FYB1: variants seen among roughly 807,000 people sequenced by gnomAD.
The protein encoded by FYB1 is FYN-binding protein 1.
Under a neutral mutation model 94.1 loss-of-function variants are expected in FYB1, and 41 were observed. The observed-to-expected ratio is 0.44, with a 90% CI of 0.34 to 0.57. The LOEUF is 0.57. FYB1 is among the 20% of genes least tolerant of loss of function. The probability of loss-of-function intolerance (pLI) is 0.02; values close to 1 mark genes in which losing one functional copy is unlikely to be tolerated. For missense variants in FYB1, 1,050 were observed against 976.8 expected (o/e 1.07, Z -1.00); for synonymous variants, 367 against 353.2 (o/e 1.04, Z -0.44).
chr5:39,166,814 T>C (rs865953377), intron 2 of FYB1, among the ~76,000 whole-genome samples: 1 of 151,556 alleles, frequency 6.6e-6, no homozygotes, highest in African/African-American at 2.4e-5. Flanking sequence ...GGTGGGAGGG[T>C]TGGCAAGAGT....
chr5:39,238,347 A>G (rs1030548143), intron 1 of FYB1, among the ~76,000 whole-genome samples: 3 of 151,966 alleles, frequency 2.0e-5, no homozygotes, highest in African/African-American at 7.2e-5. Flanking sequence ...AAGAAAATGC[A>G]TTATATTTTT....
intron 1 of FYB1, among the ~76,000 whole-genome samples, chr5:39,204,068 C>T (rs1346917999): frequency 2.6e-5 from 4 of 152,094 alleles, no homozygotes; most frequent in African/African-American, 9.7e-5. Context: ...ACATGCTTTC[C>T]TACCTCTCAT....
At chr5:39,252,228 T>C (rs12653957) in intron 1 of FYB1, among the ~76,000 whole-genome samples, 16,668 of 151,702 alleles carry the variant, frequency 0.11, 933 homozygotes, top group Middle Eastern at 0.12. Flanking sequence ...TCATAATGTG[T>C]AATAATTCTA....
intron 17 of FYB1, among the ~76,000 whole-genome samples, chr5:39,109,148 C>T (rs575896078): frequency 5.5e-4 from 83 of 152,140 alleles, no homozygotes; most frequent in Non-Finnish European, 1.0e-3. Context: ...TGTGCTTTAT[C>T]ATGGAAGCAG....
intron 1 of FYB1, among the ~76,000 whole-genome samples, chr5:39,218,662 A>G (rs1210035359): frequency 6.6e-6 from 1 of 152,258 alleles, no homozygotes; most frequent in Non-Finnish European, 1.5e-5. Context: ...ACTGAGACAC[A>G]GAGAGGTTAA....
chr5:39,109,225 A>C (rs546987334), intron 17 of FYB1, among the ~76,000 whole-genome samples: 1 of 151,910 alleles, frequency 6.6e-6, no homozygotes. Context: ...TTCTGTTTGG[A>C]TCTTTTCTCT....
At chr5:39,220,015 CAT>C (rs1402651027), upstream of FYB1, among the ~76,000 whole-genome samples, 4 of 152,124 alleles carry the variant, frequency 2.6e-5, no homozygotes, top group African/African-American at 4.8e-5. Context: ...AGTGGTCACT[CAT>C]GTGTGGAAAG....
At chr5:39,248,157 T>C (rs1347306393) in intron 1 of FYB1, among the ~76,000 whole-genome samples, 1 of 152,150 alleles carries the variant, frequency 6.6e-6, no homozygotes, top group East Asian at 1.9e-4. Context: ...ATGTTGAAAA[T>C]AAGTTTGAAT....
chr5:39,211,178 A>G (rs550396558), intron 1 of FYB1: 2 of 152,312 alleles, frequency 1.3e-5, no homozygotes, highest in Admixed American at 1.3e-4. Context: ...GTTTTCATAG[A>G]TATCTTATTA....
chr5:39,195,752 C>G (rs1267097094), intron 2 of FYB1, among the ~76,000 whole-genome samples: 4 of 152,146 alleles, frequency 2.6e-5, no homozygotes, highest in African/African-American at 9.7e-5. Flanking sequence ...TACATGCAAA[C>G]CAATAGTCAG....
intron 3 of FYB1, among the ~76,000 whole-genome samples, chr5:39,150,444 A>G (rs987173794): frequency 6.6e-6 from 1 of 152,184 alleles, no homozygotes; most frequent in African/African-American, 2.4e-5. Context: ...CTTTTTGTTT[A>G]TAAAGCCAAC....
intron 2 of FYB1, among the ~76,000 whole-genome samples, chr5:39,184,360 A>T (rs943322562): frequency 1.3e-5 from 2 of 152,212 alleles, no homozygotes; most frequent in African/African-American, 2.4e-5. Flanking sequence ...GGAGGTAGGT[A>T]CACTTATCTT....
In FYB1 at chr5:39,270,618, A is replaced by G. The variant is rs906246824; in HGVS notation, c.-28+3785T>C. 16 of 1,531,454 alleles carry G rather than the reference A, an allele frequency of 1.0e-5. 1 individual carries two copies. The Admixed American group carries it at 1.6e-4, about 15-fold the overall frequency. The allele number at this position is 1,531,454 out of a possible 1,614,324, so 94.9% of individuals were successfully genotyped here. Reference sequence around the variant, plus strand: ...TGCCTGGCACACAATGACCCCGAAGATGGTGCAGCTTGGATAGTGAATGTG... The same window carrying G: ...TGCCTGGCACACAATGACCCCGAAGGTGGTGCAGCTTGGATAGTGAATGTG... On this transcript the variant is annotated intron_variant, in intron 1 of 1. Transcript: ENST00000510188.
intron 16 of FYB1, among the ~76,000 whole-genome samples, chr5:39,116,172 A>G (rs758007532): frequency 2.0e-5 from 3 of 152,178 alleles, no homozygotes; most frequent in East Asian, 3.9e-4. Context: ...TCGCTTCTCT[A>G]TCTCATTCAC....
intron 1 of FYB1, among the ~76,000 whole-genome samples, chr5:39,257,424 T>C (rs1217807632): frequency 6.6e-6 from 1 of 152,160 alleles, no homozygotes; most frequent in African/African-American, 2.4e-5. Flanking sequence ...GAATTTTTTT[T>C]TTTTTTTGCA....
intron 17 of FYB1, among the ~76,000 whole-genome samples, chr5:39,109,488 A>G (rs1039816650): frequency 6.6e-6 from 1 of 152,058 alleles, no homozygotes; most frequent in African/African-American, 2.4e-5. Flanking sequence ...ACCTATTGAA[A>G]GTCTCTTGCC....
At chr5:39,157,597 C>T (rs79042580) in intron 2 of FYB1, among the ~76,000 whole-genome samples, 2,796 of 152,024 alleles carry the variant, frequency 0.018, 88 homozygotes, top group African/African-American at 0.063. Flanking sequence ...TTAGAAGATA[C>T]AAAATAAGGG....
At chr5:39,163,082 A>G (rs1011404481) in intron 2 of FYB1, among the ~76,000 whole-genome samples, 7 of 152,192 alleles carry the variant, frequency 4.6e-5, no homozygotes, top group African/African-American at 1.7e-4. Flanking sequence ...AAAAATTTTC[A>G]ATCCTCGGCA....
rs758290287 is a variant in FYB1, at chr5:39,135,024, G to GA, written c.1516-11dup. On this transcript the variant is annotated splice_polypyrimidine_tract_variant and intron_variant, in intron 7 of 18. Coordinates refer to ENST00000512982, the MANE Select transcript of FYB1 (RefSeq NM_001465.6). ...GAATAGGGCCTGTTAGCTGCAAAGA[G>GA]AAAAAAATAGTCACAAAAGATTTCC... The GA allele has an allele frequency of 2.1e-5, 34 of 1,603,630 alleles. No individual in the cohort carries two copies. The highest frequency in any genetic ancestry group is 2.7e-5 in the Non-Finnish European group (32 of 1,175,972).
Sources: allele counts gnomAD v4.1 joint callset (sites outside exome capture counted in the v4.1 genomes callset), GRCh38; gene constraint gnomAD v4.1.1; transcripts MANE v1.5; gene names NCBI Gene and HGNC (gene_info 2026-07-23, HGNC 2026-07-21).